The following HAT1 variants were observed in gnomAD, a reference collection of about 807,000 sequenced individuals.
HAT1 encodes histone acetyltransferase type B catalytic subunit.
HAT1 carries 20 observed loss-of-function variants against 56.6 expected under a neutral mutation model. The ratio of observed to expected loss-of-function variants is 0.35; its 90% CI spans 0.25 to 0.51. The LOEUF is 0.51. HAT1 is among the 20% of genes least tolerant of loss of function. The pLI is 0.95. For missense variants in HAT1, 408 were observed against 504.3 expected (o/e 0.81, Z 1.83); for synonymous variants, 146 against 165.5 (o/e 0.88, Z 0.91).
chr2:171,925,069 C>CTTTTTT (rs72257084), intron 1 of HAT1: 5 of 73,686 alleles, frequency 6.8e-5, no homozygotes, highest in Admixed American at 1.5e-4. Flanking sequence ...ATGAGGCATT[C>CTTTTTT]TTTTTTTTTT....
intron 9 of HAT1, among the ~76,000 whole-genome samples, chr2:171,978,406 T>C (rs1267869459): frequency 6.6e-6 from 1 of 152,220 alleles, no homozygotes; most frequent in African/African-American, 2.4e-5. Context: ...CTTTTATCAC[T>C]GTATATGCTT....
rs75656662 is a variant in HAT1, at chr2:171,982,203, A to G, written c.1093-982A>G. Among the ~76,000 whole-genome samples the G allele has an allele frequency of 2.5e-3, 382 of 152,274 alleles. 2 individuals are homozygous for G. Among genetic ancestry groups the G allele is most frequent in the African/African-American group, 8.7e-3 (360 of 41,562 alleles). The stretch of plus-strand genomic sequence containing the variant: ...CCTGTCCAGCCAGTTCACCAGTCTA[A>G]AAGGCCAGAACTGGGCCGGGTGTGG... On this transcript the variant is annotated intron_variant, in intron 10 of 10. Transcript: ENST00000264108.
At chr2:171,964,711 T>C (rs1687645507) in intron 4 of HAT1, 1 of 152,178 alleles carries the variant, frequency 6.6e-6, no homozygotes, top group Non-Finnish European at 1.5e-5. Context: ...GAGTTTAGTT[T>C]TGTTGTCCAG....
At chr2:171,949,411 T>C (rs1261131465) in intron 3 of HAT1, among the ~76,000 whole-genome samples, 1 of 151,930 alleles carries the variant, frequency 6.6e-6, no homozygotes, top group African/African-American at 2.4e-5. Flanking sequence ...GGTGCAGTGG[T>C]TTAGACCTGT....
rs2105336273 is a variant in HAT1 at position 171,966,963 on chromosome 2, G to T, written c.823+14G>T. On this transcript the variant is annotated intron_variant, in intron 8 of 10. Transcript: ENST00000264108. ...TTGATATTACAGGTATGTAAAATTT[G>T]ATTTGTTACTGAAAGAGCCTTTCTA... 3 of 1,070,870 alleles carry T rather than the reference G, an allele frequency of 2.8e-6. No individual in the cohort carries two copies. In the South Asian group the frequency reaches 4.0e-5, roughly 14 times the overall value. 66.3% of individuals were successfully genotyped at this position (1,070,870 alleles called of 1,614,324 possible).
At chr2:171,926,442 C>T (rs1249339056) in intron 2 of HAT1, among the ~76,000 whole-genome samples, 4 of 152,012 alleles carry the variant, frequency 2.6e-5, no homozygotes, top group African/African-American at 9.7e-5. Flanking sequence ...TACAGGCATG[C>T]GCCACCACGC....
intron 8 of HAT1, among the ~76,000 whole-genome samples, chr2:171,969,698 C>G (rs1250531703): frequency 6.6e-6 from 1 of 152,074 alleles, no homozygotes; most frequent in African/African-American, 2.4e-5. Flanking sequence ...AAAGTATTAT[C>G]AGTCATAATG....
intron 10 of HAT1, 67 bp downstream of exon 10, chr2:171,979,430 A>C: frequency 1.2e-6 from 1 of 816,200 alleles, no homozygotes; most frequent in Non-Finnish European, 2.2e-6. Context: ...AAAGCTACCA[A>C]ATATCAGTAT....
At chr2:171,951,576 C>T (rs2105323816) in intron 3 of HAT1, among the ~76,000 whole-genome samples, 1 of 150,380 alleles carries the variant, frequency 6.6e-6, no homozygotes, top group Non-Finnish European at 1.5e-5. Context: ...CCCACCACCA[C>T]ACCTGCCTAT....
intron 3 of HAT1, among the ~76,000 whole-genome samples, chr2:171,952,023 A>G (rs1371984502): frequency 6.6e-6 from 1 of 152,170 alleles, no homozygotes; most frequent in African/African-American, 2.4e-5. Context: ...TTCTTTCACA[A>G]TTCACTTTCT....
At chr2:171,929,334 G>A (rs1686679643) in intron 2 of HAT1, among the ~76,000 whole-genome samples, 1 of 152,070 alleles carries the variant, frequency 6.6e-6, no homozygotes, top group African/African-American at 2.4e-5. Flanking sequence ...GTTATTAGTT[G>A]TAGGTGTTAT....
chr2:171,960,837 C>A (rs920927667), intron 4 of HAT1, among the ~76,000 whole-genome samples: 1 of 151,362 alleles, frequency 6.6e-6, no homozygotes, highest in Non-Finnish European at 1.5e-5. Context: ...CATAATAAGA[C>A]CCTGCCTATT....
chr2:171,946,040 A>G (rs1574045814), intron 2 of HAT1, among the ~76,000 whole-genome samples: 1 of 151,974 alleles, frequency 6.6e-6, no homozygotes, highest in Non-Finnish European at 1.5e-5. Flanking sequence ...CTGACCTCAG[A>G]TGATCCACCT....
chr2:171,957,742 A>C (rs1021231082), intron 4 of HAT1, among the ~76,000 whole-genome samples: 3 of 152,208 alleles, frequency 2.0e-5, no homozygotes, highest in African/African-American at 7.2e-5. Flanking sequence ...AAACTTCACC[A>C]TTGATTTTTT....
chr2:171,977,551 ATATATATTTTTTTTTTTTT>A (rs1688014643), intron 9 of HAT1, among the ~76,000 whole-genome samples: 1 of 13,430 alleles, frequency 7.4e-5, no homozygotes, highest in African/African-American at 3.0e-4. Context: ...ATATATATAT[ATATATATTTTTTTTTTTTT>A]TTTTTTTTTA....
intron 1 of HAT1, 191 bp downstream of exon 1, chr2:171,922,698 C>T: frequency 4.7e-6 from 2 of 421,602 alleles, no homozygotes; most frequent in Non-Finnish European, 8.2e-6. Context: ...CGCCCCCGCC[C>T]CCAACTGCTT....
intron 8 of HAT1, among the ~76,000 whole-genome samples, chr2:171,974,781 A>G (rs1687918660): frequency 6.6e-6 from 1 of 152,194 alleles, no homozygotes; most frequent in Admixed American, 6.5e-5. Context: ...CGTTTTTATC[A>G]TGAATTGATG....
At position 171,953,599 on chromosome 2, in the gene HAT1, C is replaced by T. The variant is rs181029521; in HGVS notation, c.309+598C>T. On this transcript the variant is annotated intron_variant, in intron 4 of 10. Transcript: ENST00000264108. ...ATGATGGCACCACTGCACTCCAGCC[C>T]GGGCAACAGAACAAGACCCTGTCTC... Among the ~76,000 whole-genome samples, 315 of 113,998 alleles carry T rather than the reference C, an allele frequency of 2.8e-3. 6 individuals are homozygous for T. The highest frequency in any genetic ancestry group is 0.01 in the African/African-American group (292 of 28,494). The allele number at this position is 113,998 out of a possible 152,430, so 74.8% of individuals were successfully genotyped here.
chr2:171,960,103 T>C (rs1259811376), intron 4 of HAT1, among the ~76,000 whole-genome samples: 2 of 152,194 alleles, frequency 1.3e-5, no homozygotes, highest in African/African-American at 4.8e-5. Context: ...TTTAGAGGCA[T>C]TCTTAAGTAG....
Sources: allele counts gnomAD v4.1 joint callset (sites outside exome capture counted in the v4.1 genomes callset), GRCh38; gene constraint gnomAD v4.1.1; transcripts MANE v1.5; gene names NCBI Gene and HGNC (gene_info 2026-07-23, HGNC 2026-07-21).